Variants in FRAS1 observed in about 807,000 individuals in gnomAD.
FRAS1 encodes extracellular matrix organizing protein FRAS1.
Under a neutral mutation model 435.2 loss-of-function variants are expected in FRAS1, and 290 were observed. The observed-to-expected ratio is 0.67, with a 90% CI of 0.61 to 0.73. The LOEUF (loss-of-function observed/expected upper bound fraction) is 0.73. Ranked by LOEUF, FRAS1 falls within the 30% of genes least tolerant of loss-of-function variation. The pLI is 0.00. For synonymous variants in FRAS1, 1,800 were observed against 1,851.0 expected (o/e 0.97, Z 0.71); for missense variants, 4,860 against 5,001.5 (o/e 0.97, Z 0.85).
At position 78,245,315 on chromosome 4, in the gene FRAS1, A is replaced by G; in HGVS notation, c.299A>G (p.Lys100Arg). 1 of 1,601,524 alleles carries G rather than the reference A, an allele frequency of 6.2e-7. No homozygotes were observed. The highest frequency in any genetic ancestry group is 8.5e-7 in the Non-Finnish European group (1 of 1,172,668). Residue 100 changes from lysine (K) to arginine (R), a missense_variant, in exon 4 of 74, where the codon AAA (lysine) becomes AGA (arginine). Coordinates refer to ENST00000512123, the MANE Select transcript of FRAS1 (RefSeq NM_025074.7). The part of the protein sequence containing the change: ...RTPGSCHHEK[K>R]IHEHGTEWAS... The stretch of plus-strand genomic sequence containing the variant: ...CCAGGATCTTGCCATCATGAAAAGA[A>G]AATCCATGAGGTAAGTGTTTTCTGA...
At chr4:78,427,724 T>C (rs1260709053) in intron 35 of FRAS1, among the ~76,000 whole-genome samples, 1 of 152,246 alleles carries the variant, frequency 6.6e-6, no homozygotes, top group Non-Finnish European at 1.5e-5. Flanking sequence ...AATGTCGTCT[T>C]ACCTTCAATA....
chr4:78,223,484 T>C (rs1724139557), intron 2 of FRAS1, among the ~76,000 whole-genome samples: 1 of 152,222 alleles, frequency 6.6e-6, no homozygotes, highest in Non-Finnish European at 1.5e-5. Context: ...TTTGATCATC[T>C]TGGTGGTTTT....
intron 14 of FRAS1, among the ~76,000 whole-genome samples, chr4:78,306,483 A>G (rs11723663): frequency 0.16 from 8,104 of 51,222 alleles, 1,291 homozygotes; most frequent in African/African-American, 0.32. Context: ...CATTCTCCAC[A>G]TCACTTTCAG....
At chr4:78,271,051 A>T (rs942403244) in intron 9 of FRAS1, among the ~76,000 whole-genome samples, 2 of 152,234 alleles carry the variant, frequency 1.3e-5, no homozygotes, top group African/African-American at 4.8e-5. Flanking sequence ...AAAGAGACTT[A>T]AAAATCCATC....
intron 2 of FRAS1, among the ~76,000 whole-genome samples, chr4:78,199,752 C>T (rs534107882): frequency 6.6e-6 from 1 of 152,216 alleles, no homozygotes; most frequent in South Asian, 2.1e-4. Flanking sequence ...ATAAGTAGTG[C>T]ATTAGGATCA....
intron 9 of FRAS1, among the ~76,000 whole-genome samples, chr4:78,277,605 T>G (rs1237386551): frequency 6.6e-6 from 1 of 152,048 alleles, no homozygotes; most frequent in African/African-American, 2.4e-5. Context: ...AAACAGCAGA[T>G]TTTCTGGGAG....
Position 78,422,908 on chromosome 4 carries a change from G to A in FRAS1, c.4678+908G>A, listed in dbSNP as rs1425026841. ...CCATGGGCATGCAGGCAACCTTTTA[G>A]GATAAAACCAGAATTTGGCAGAAGA... On this transcript the variant is annotated intron_variant, in intron 34 of 73. Transcript: ENST00000512123. Among the ~76,000 whole-genome samples the A allele has an allele frequency of 3.3e-5, 5 of 152,242 alleles. No homozygotes were observed. In the East Asian group the frequency reaches 5.8e-4, roughly 18 times the overall value.
At chr4:78,299,414 T>G (rs771549063) in intron 14 of FRAS1, among the ~76,000 whole-genome samples, 3 of 152,204 alleles carry the variant, frequency 2.0e-5, no homozygotes, top group Non-Finnish European at 4.4e-5. Flanking sequence ...AGACCTTTTG[T>G]TTGTGGAGCA....
chr4:78,479,789 G>C (rs1719956978), intron 56 of FRAS1, 71 bp downstream of exon 56: 2 of 1,209,736 alleles, frequency 1.7e-6, no homozygotes, highest in Non-Finnish European at 2.3e-6. Flanking sequence ...TTCTCCTTAG[G>C]TTTCAGAATA....
intron 3 of FRAS1, 47 bp downstream of exon 3, chr4:78,237,664 A>G: frequency 1.8e-6 from 2 of 1,086,778 alleles, no homozygotes; most frequent in Non-Finnish European, 2.6e-6. Context: ...AAGTCAGTGA[A>G]GGGTCAGGTT....
chr4:78,468,412 T>C (rs1719600082), intron 50 of FRAS1, among the ~76,000 whole-genome samples: 1 of 152,164 alleles, frequency 6.6e-6, no homozygotes, highest in Non-Finnish European at 1.5e-5. Context: ...GTGATACATA[T>C]TCTCCTGATG....
intron 61 of FRAS1, among the ~76,000 whole-genome samples, 200 bp downstream of exon 61, chr4:78,500,121 C>T (rs983928697): frequency 1.3e-5 from 2 of 152,110 alleles, no homozygotes; most frequent in Middle Eastern, 3.2e-3. Context: ...AAATAGGTCT[C>T]TTACTTTAGA....
intron 2 of FRAS1, among the ~76,000 whole-genome samples, chr4:78,237,046 C>G (rs189039740): frequency 6.6e-6 from 1 of 151,680 alleles, no homozygotes; most frequent in Admixed American, 6.6e-5. Flanking sequence ...GAATGTTAGA[C>G]GATGAAGTAG....
chr4:78,227,457 C>G (rs1051878382), intron 2 of FRAS1, among the ~76,000 whole-genome samples: 1 of 152,188 alleles, frequency 6.6e-6, no homozygotes, highest in Admixed American at 6.6e-5. Flanking sequence ...CATCATGAGG[C>G]TGAGTCACTG....
intron 2 of FRAS1, among the ~76,000 whole-genome samples, chr4:78,179,135 T>C (rs976302955): frequency 6.6e-6 from 1 of 152,228 alleles, no homozygotes; most frequent in Non-Finnish European, 1.5e-5. Context: ...CTCATTCTGG[T>C]GTTGCAGTTG....
At chr4:78,339,686 A>G (rs1338494873) in intron 20 of FRAS1, among the ~76,000 whole-genome samples, 1 of 152,230 alleles carries the variant, frequency 6.6e-6, no homozygotes, top group African/African-American at 2.4e-5. Context: ...GGTGACAAAC[A>G]TGGTTGGTAT....
intron 2 of FRAS1, among the ~76,000 whole-genome samples, chr4:78,090,083 G>GT (rs11419507): frequency 0.81 from 122,571 of 152,092 alleles, 49,506 homozygotes; most frequent in East Asian, 0.95. Flanking sequence ...TTGCAAACTT[G>GT]TGACTGAGAA....
intron 2 of FRAS1, among the ~76,000 whole-genome samples, chr4:78,109,024 A>C (rs1451661947): frequency 2.0e-5 from 1 of 49,524 alleles, no homozygotes; most frequent in African/African-American, 9.7e-5. Context: ...TCCTCGACAC[A>C]TACACTCTCC....
At chr4:78,432,658 G>A in intron 38 of FRAS1, 54 bp downstream of exon 38, 2 of 1,501,802 alleles carry the variant, frequency 1.3e-6, no homozygotes, top group Non-Finnish European at 1.8e-6. Context: ...TTCTGATGGG[G>A]CAGACTGGGC....
Sources: gnomAD v4.1 joint callset for allele counts (sites outside exome capture counted in the v4.1 genomes callset) on GRCh38, gnomAD v4.1.1 for gene constraint, MANE v1.5 for transcripts, NCBI Gene and HGNC (gene_info 2026-07-23, HGNC 2026-07-21) for gene names.